SORCS2: variants seen among roughly 807,000 people sequenced by gnomAD.
SORCS2 encodes the protein VPS10 domain-containing receptor SorCS2.
A neutral mutation model predicts 141.6 loss-of-function variants in SORCS2; 100 were observed. The ratio of observed to expected loss-of-function variants is 0.71; its 90% confidence interval spans 0.60 to 0.83. The LOEUF (loss-of-function observed/expected upper bound fraction) is 0.83. Among genes scored for constraint, SORCS2 ranks in the 40% least tolerant of loss-of-function variants. SORCS2 has a pLI of 0.00. For missense variants in SORCS2, 1,646 were observed against 1,560.2 expected (o/e 1.05, Z -0.93); for synonymous variants, 789 against 676.9 (o/e 1.17, Z -2.57).
At chr4:7,293,085 A>T (rs924669163) in intron 1 of SORCS2, among the ~76,000 whole-genome samples, 2 of 152,058 alleles carry the variant, frequency 1.3e-5, no homozygotes, top group African/African-American at 4.8e-5. Flanking sequence ...CGGGCGGATC[A>T]TGAGGTCAGG....
At chr4:7,539,913 G>GAGGCCCCACCCCCTTCCTGCTGTGA (rs1712456402) in intron 3 of SORCS2, among the ~76,000 whole-genome samples, 1 of 149,056 alleles carries the variant, frequency 6.7e-6, no homozygotes, top group Non-Finnish European at 1.5e-5. Context: ...CCCTGTTGTG[G>GAGGCCCCACCCCCTTCCTGCTGTGA]AGGCCCCACC....
intron 3 of SORCS2, among the ~76,000 whole-genome samples, chr4:7,623,985 G>A (rs991915244): frequency 6.6e-6 from 1 of 152,134 alleles, no homozygotes; most frequent in Non-Finnish European, 1.5e-5. Context: ...TGCCCTCTCT[G>A]GGACTCACTT....
At chr4:7,295,083 C>T (rs1475889930) in intron 1 of SORCS2, among the ~76,000 whole-genome samples, 1 of 2,334 alleles carries the variant, frequency 4.3e-4, no homozygotes, top group Admixed American at 4.3e-3. Flanking sequence ...CCCCTCCTCC[C>T]CCTCTCCCTT....
intron 2 of SORCS2, among the ~76,000 whole-genome samples, chr4:7,415,072 GTT>G (rs1177922635): frequency 2.0e-5 from 3 of 152,214 alleles, no homozygotes; most frequent in Non-Finnish European, 4.4e-5. Flanking sequence ...AAAGTAATGA[GTT>G]AAAGTAAAAA....
At chr4:7,350,797 G>C (rs1262529365) in intron 1 of SORCS2, among the ~76,000 whole-genome samples, 1 of 152,178 alleles carries the variant, frequency 6.6e-6, no homozygotes, top group Non-Finnish European at 1.5e-5. Flanking sequence ...ATTGATTGCT[G>C]ATGCCAGCTC....
At chr4:7,694,412 G>A (rs914458267) in intron 11 of SORCS2, among the ~76,000 whole-genome samples, 33 of 152,108 alleles carry the variant, frequency 2.2e-4, no homozygotes, top group African/African-American at 5.6e-4. Context: ...TCCGTGAATC[G>A]CTCCTTCTTT....
At chr4:7,651,219 G>A (rs181939691) in intron 4 of SORCS2, among the ~76,000 whole-genome samples, 3 of 152,294 alleles carry the variant, frequency 2.0e-5, no homozygotes, top group South Asian at 2.1e-4. Flanking sequence ...AGGCAAACGC[G>A]TGTTGTGGAT....
chr4:7,628,381 T>C (rs896566339), intron 3 of SORCS2, among the ~76,000 whole-genome samples: 6 of 151,900 alleles, frequency 3.9e-5, no homozygotes, highest in Non-Finnish European at 5.9e-5. Flanking sequence ...TAGCCTGGCG[T>C]GGTGGCGGGC....
At position 7,350,534 on chromosome 4, in the gene SORCS2, C is replaced by T. The variant is rs564524815; in HGVS notation, c.481-45754C>T. On this transcript the variant is annotated intron_variant, in intron 1 of 26. Coordinates refer to ENST00000507866, the MANE Select transcript of SORCS2 (RefSeq NM_020777.3). ...GTGGCTGGGCCTGCAGCTCCTGGCACCTAGCATGCTGATGGGGTGTGCTGG... is the reference window on the plus strand; with the variant it reads ...GTGGCTGGGCCTGCAGCTCCTGGCATCTAGCATGCTGATGGGGTGTGCTGG... Among the ~76,000 whole-genome samples the T allele has an allele frequency of 3.3e-5, 5 of 152,336 alleles. No homozygotes were observed. The South Asian group carries it at 1.0e-3, about 32-fold the overall frequency.
At chr4:7,724,150 G>GGTGGTGGTGATGATGGTGGTGATA (rs1726825784) in intron 19 of SORCS2, among the ~76,000 whole-genome samples, 2 of 135,394 alleles carry the variant, frequency 1.5e-5, no homozygotes, top group Non-Finnish European at 3.0e-5. Context: ...TGATGGTCGT[G>GGTGGTGGTGATGATGGTGGTGATA]GTGGTGGTGG....
intron 2 of SORCS2, chr4:7,433,907 A>C: frequency 6.2e-7 from 1 of 1,613,870 alleles, no homozygotes; most frequent in Non-Finnish European, 8.5e-7. Flanking sequence ...ATTACCGAGC[A>C]CACGCGCTCC....
chr4:7,713,078 G>A (rs1422515240), intron 15 of SORCS2, among the ~76,000 whole-genome samples: 3 of 152,024 alleles, frequency 2.0e-5, no homozygotes, highest in Non-Finnish European at 2.9e-5. Context: ...AGCCACACTC[G>A]GGGAGTGTGG....
intron 1 of SORCS2, among the ~76,000 whole-genome samples, chr4:7,269,236 G>A (rs992278451): frequency 1.3e-5 from 2 of 152,218 alleles, no homozygotes; most frequent in African/African-American, 4.8e-5. Flanking sequence ...CCAGGAGGAT[G>A]GCACTGTCAT....
At chr4:7,216,539 A>G (rs1480027762) in intron 1 of SORCS2, among the ~76,000 whole-genome samples, 3 of 152,118 alleles carry the variant, frequency 2.0e-5, no homozygotes, top group Admixed American at 2.0e-4. Flanking sequence ...TGGCTCCTTC[A>G]GGAGGCTCCA....
At chr4:7,311,422 G>C (rs114731653) in intron 1 of SORCS2, among the ~76,000 whole-genome samples, 1 of 152,092 alleles carries the variant, frequency 6.6e-6, no homozygotes. Context: ...CATTTCTCTC[G>C]GGTAAATATC....
intron 7 of SORCS2, among the ~76,000 whole-genome samples, chr4:7,665,298 G>A (rs1722437618): frequency 6.6e-6 from 1 of 152,158 alleles, no homozygotes; most frequent in Non-Finnish European, 1.5e-5. Context: ...AGGCGCTAGG[G>A]CAGGCAGTGG....
chr4:7,559,837 G>A lies in SORCS2; in HGVS notation c.648+28208G>A, dbSNP rs190442141. 3.5e-4 allele frequency among the ~76,000 whole-genome samples: 54 copies of A among 152,360 alleles called. No homozygotes were observed. In the East Asian group the frequency reaches 9.8e-3, roughly 28 times the overall value. On this transcript the variant is annotated intron_variant, in intron 3 of 26. Transcript: ENST00000507866. Reference sequence around the variant, plus strand: ...CAGCACAGGTGCCCACTGACCACTCGCAAATACCCATTGCTGTCATCATTG... The same window carrying A: ...CAGCACAGGTGCCCACTGACCACTCACAAATACCCATTGCTGTCATCATTG...
chr4:7,679,732 C>G (rs1390859020), intron 9 of SORCS2, among the ~76,000 whole-genome samples: 2 of 147,098 alleles, frequency 1.4e-5, no homozygotes, highest in African/African-American at 2.5e-5. Context: ...TTGTCTGAAG[C>G]CACACAACTT....
intron 1 of SORCS2, among the ~76,000 whole-genome samples, chr4:7,275,916 A>G (rs974697144): frequency 2.0e-5 from 3 of 152,130 alleles, no homozygotes; most frequent in African/African-American, 7.2e-5. Flanking sequence ...CGGGACTCCT[A>G]GTGTCCGAAA....
Sources: allele counts gnomAD v4.1 joint callset (sites outside exome capture counted in the v4.1 genomes callset), GRCh38; gene constraint gnomAD v4.1.1; transcripts MANE v1.5; gene names NCBI Gene and HGNC (gene_info 2026-07-23, HGNC 2026-07-21).